Variants in ZNF676 observed in about 807,000 individuals in gnomAD.
ZNF676 encodes the protein zinc finger protein 676.
Under a neutral mutation model 6.0 loss-of-function variants are expected in ZNF676, and 4 were observed. The ratio of observed to expected loss-of-function variants is 0.67; its 90% CI spans 0.33 to 1.53. The LOEUF (loss-of-function observed/expected upper bound fraction) is 1.53. Among genes scored for constraint, ZNF676 ranks in the 40% most tolerant of loss-of-function variants. The pLI, the probability that ZNF676 is intolerant of heterozygous loss-of-function variation, is 0.06. For missense variants in ZNF676, 644 were observed against 679.7 expected (o/e 0.95, Z 0.58); for synonymous variants, 198 against 223.1 (o/e 0.89, Z 1.00).
chr19:22,194,746 C>T (rs1235795752), intron 1 of ZNF676, among the ~76,000 whole-genome samples: 1 of 152,012 alleles, frequency 6.6e-6, no homozygotes, highest in African/African-American at 2.4e-5. Context: ...AAGAAGGGGC[C>T]CTGGACCCAG....
intron 2 of ZNF676, among the ~76,000 whole-genome samples, chr19:22,191,188 G>C (rs1889486441): frequency 6.6e-6 from 1 of 152,188 alleles, no homozygotes; most frequent in East Asian, 1.9e-4. Flanking sequence ...TTGAGATCCA[G>C]TGAGGGAATT....
Position 22,207,810 on chromosome 19 carries a change from G to C in ZNF676, c.3+7822C>G, listed in dbSNP as rs112282469. Among the ~76,000 whole-genome samples, 679 of 152,162 alleles carry C rather than the reference G, an allele frequency of 4.5e-3. 3 individuals carry two copies. The highest frequency in any genetic ancestry group is 0.016 in the African/African-American group (646 of 41,528). On this transcript the variant is annotated intron_variant, in intron 1 of 3. Transcript: ENST00000650058. ...TAATGCCACACACCTAAAACCATCT[G>C]ATCTTCAACAAAGGTGACAACAGGA...
At chr19:22,191,314 C>A in intron 2 of ZNF676, among the ~76,000 whole-genome samples, 1 of 152,110 alleles carries the variant, frequency 6.6e-6, no homozygotes, top group Middle Eastern at 3.2e-3. Flanking sequence ...AATGTCCCAC[C>A]CTACTTGGTC....
chr19:22,231,418 A>G, the ZNF676 span, among the ~76,000 whole-genome samples: 8 of 151,658 alleles, frequency 5.3e-5, no homozygotes, highest in Middle Eastern at 3.2e-3. Flanking sequence ...ATTCAGAGAC[A>G]TACATTTAAT....
chr19:22,238,155 C>T, the ZNF676 span, among the ~76,000 whole-genome samples: 1 of 152,166 alleles, frequency 6.6e-6, no homozygotes, highest in African/African-American at 2.4e-5. Context: ...CAGTTTCAAG[C>T]AATTCTCTGC....
chr19:22,229,188 A>G, the ZNF676 span, among the ~76,000 whole-genome samples: 1 of 152,196 alleles, frequency 6.6e-6, no homozygotes, highest in African/African-American at 2.4e-5. Context: ...GGCCTCAGAA[A>G]TAACACCACA....
At chr19:22,221,489 T>A in the ZNF676 span, among the ~76,000 whole-genome samples, 1 of 152,192 alleles carries the variant, frequency 6.6e-6, no homozygotes, top group Non-Finnish European at 1.5e-5. Context: ...TGGTGGCTCA[T>A]GCTTTAATCC....
At chr19:22,206,004 A>AG (rs1326329823) in intron 1 of ZNF676, among the ~76,000 whole-genome samples, 1 of 151,886 alleles carries the variant, frequency 6.6e-6, no homozygotes. Flanking sequence ...ATGCACATAA[A>AG]AAAAAAACTA....
At chr19:22,199,676 AT>A (rs2024004550), upstream of ZNF676, among the ~76,000 whole-genome samples, 4 of 152,346 alleles carry the variant, frequency 2.6e-5, no homozygotes, top group South Asian at 8.3e-4. Flanking sequence ...AGGGATACAG[AT>A]GGAAAGAGCT....
the ZNF676 span, among the ~76,000 whole-genome samples, chr19:22,236,635 G>C: frequency 1.3e-5 from 2 of 152,286 alleles, no homozygotes; most frequent in East Asian, 3.9e-4. Context: ...AAGGAGTTCT[G>C]GGTCTGTAAA....
At chr19:22,218,891 C>T (rs1217421230), upstream of ZNF676, among the ~76,000 whole-genome samples, 6 of 151,722 alleles carry the variant, frequency 4.0e-5, no homozygotes, top group Non-Finnish European at 7.4e-5. Context: ...AGTCAGATAA[C>T]GTGATGTCTT....
chr19:22,228,886 C>T, the ZNF676 span, among the ~76,000 whole-genome samples: 1 of 152,210 alleles, frequency 6.6e-6, no homozygotes, highest in Non-Finnish European at 1.5e-5. Flanking sequence ...ACATTCCATG[C>T]TCATGATAGG....
At chr19:22,218,047 GT>G (rs1355492535), upstream of ZNF676, among the ~76,000 whole-genome samples, 4 of 152,126 alleles carry the variant, frequency 2.6e-5, no homozygotes, top group South Asian at 8.3e-4. Flanking sequence ...TCACATTGTG[GT>G]TTTGATTTGT....
intron 1 of ZNF676, among the ~76,000 whole-genome samples, chr19:22,215,061 C>CAAA (rs10634809): frequency 8.3e-4 from 104 of 124,612 alleles, no homozygotes; most frequent in South Asian, 2.7e-3. Context: ...AAAAAAAAAA[C>CAAA]AACAAAAAAC....
In ZNF676 at chr19:22,179,536, G is replaced by A. The variant is rs1016251084; in HGVS notation, c.*414C>T. ...TTGCCACATTCTTCACATTTGTAGGGTTTCCCTCCTGTATAAATTCCCTTA... is the reference window on the plus strand; with the variant it reads ...TTGCCACATTCTTCACATTTGTAGGATTTCCCTCCTGTATAAATTCCCTTA... On this transcript the variant is annotated 3_prime_UTR_variant, in exon 3 of 3. Coordinates refer to ENST00000397121, the MANE Select transcript of ZNF676 (RefSeq NM_001001411.3). The A allele has an allele frequency of 2.3e-6, 1 of 439,972 alleles. No individual in the cohort carries two copies. Among genetic ancestry groups the A allele is most frequent in the Non-Finnish European group, 4.4e-6 (1 of 225,888 alleles). The allele number at this position is 439,972 out of a possible 1,614,324, so 27.3% of individuals were successfully genotyped here.
upstream of ZNF676, among the ~76,000 whole-genome samples, chr19:22,217,807 G>A (rs281193): frequency 0.38 from 57,599 of 151,736 alleles, 11,159 homozygotes; most frequent in African/African-American, 0.42. Context: ...GGGTTCAAGC[G>A]ATTCTCCAGC....
At chr19:22,232,212 G>A in the ZNF676 span, among the ~76,000 whole-genome samples, 1 of 151,416 alleles carries the variant, frequency 6.6e-6, no homozygotes, top group Admixed American at 6.6e-5. Flanking sequence ...TCTGTCTCCA[G>A]GCTGGAGTGC....
chr19:22,235,683 T>A, the ZNF676 span, among the ~76,000 whole-genome samples: 1 of 152,146 alleles, frequency 6.6e-6, no homozygotes. Context: ...CAGCATAATG[T>A]CATCAATGCA....
At chr19:22,223,530 AAT>A in the ZNF676 span, among the ~76,000 whole-genome samples, 2 of 140,304 alleles carry the variant, frequency 1.4e-5, no homozygotes, top group African/African-American at 5.7e-5. Context: ...TTTTTTTTTA[AAT>A]TTTACTGATG....
Sources: gnomAD v4.1 joint callset for allele counts (sites outside exome capture counted in the v4.1 genomes callset) on GRCh38, gnomAD v4.1.1 for gene constraint, MANE v1.5 for transcripts, NCBI Gene and HGNC (gene_info 2026-07-23, HGNC 2026-07-21) for gene names.